GTPBP10: variants seen among roughly 807,000 people sequenced by gnomAD.
GTPBP10 encodes GTP-binding protein 10.
Under a neutral mutation model 44.8 loss-of-function variants are expected in GTPBP10, and 38 were observed. The ratio of observed to expected loss-of-function variants is 0.85; its 90% CI spans 0.65 to 1.11. GTPBP10 has a LOEUF of 1.11. GTPBP10 is among the 50% of genes most tolerant of loss of function. The pLI is 0.00. For missense variants in GTPBP10, 462 were observed against 453.7 expected, an observed-to-expected ratio of 1.02 and a Z score of -0.17; for synonymous variants, 152 against 150.6, an observed-to-expected ratio of 1.01 and a Z score of -0.07.
At position 90,354,446 on chromosome 7, in the gene GTPBP10, T is replaced by G. The variant is rs1795854151; in HGVS notation, c.228-12T>G. 42 of 1,446,814 alleles carry G rather than the reference T, an allele frequency of 2.9e-5. No individual in the cohort carries two copies. Among genetic ancestry groups the G allele is most frequent in the Non-Finnish European group, 3.6e-5 (38 of 1,051,550 alleles). 89.6% of individuals were successfully genotyped at this position (1,446,814 alleles called of 1,614,324 possible). On this transcript the variant is annotated splice_polypyrimidine_tract_variant and intron_variant, in intron 2 of 9. Transcript: ENST00000222511. Reference sequence around the variant, plus strand: ...CACACATACATACATATATATACTTTTTTTTTGGTAGAATTAGTGCACTGA... The same window carrying G: ...CACACATACATACATATATATACTTGTTTTTTGGTAGAATTAGTGCACTGA...
chr7:90,353,228 A>G (rs17865362), intron 2 of GTPBP10: 25,359 of 387,550 alleles, frequency 0.065, 953 homozygotes, highest in South Asian at 0.15. Flanking sequence ...CCCAATGTCT[A>G]TCTGTATTCT....
chr7:90,379,592 C>A (rs1796400165), intron 8 of GTPBP10, among the ~76,000 whole-genome samples: 1 of 152,094 alleles, frequency 6.6e-6, no homozygotes, highest in Non-Finnish European at 1.5e-5. Context: ...TTTCATTTGC[C>A]ACTTTTTGTC....
chr7:90,382,903 G>C, intron 8 of GTPBP10, 53 bp from the exon 9 acceptor site: 1 of 1,305,030 alleles, frequency 7.7e-7, no homozygotes, highest in Non-Finnish European at 1.0e-6. Flanking sequence ...CAAATAAGTA[G>C]TTTATACAGA....
chr7:90,359,869 T>C (rs1795978987), intron 4 of GTPBP10, among the ~76,000 whole-genome samples: 1 of 152,258 alleles, frequency 6.6e-6, no homozygotes, highest in African/African-American at 2.4e-5. Context: ...CTTGTGGTTT[T>C]GATTTGCATT....
intron 3 of GTPBP10, 34 bp downstream of exon 3, chr7:90,354,583 T>C: frequency 9.1e-7 from 1 of 1,104,910 alleles, no homozygotes. Context: ...GTTGTAAAAA[T>C]GTGCACGTTT....
intron 1 of GTPBP10, among the ~76,000 whole-genome samples, chr7:90,351,696 A>G (rs1284932066): frequency 6.6e-6 from 1 of 151,946 alleles, no homozygotes; most frequent in Non-Finnish European, 1.5e-5. Context: ...ACTTTATTTC[A>G]TAAGCATTTT....
At chr7:90,381,507 G>GCACAATCCATAT (rs1400745653) in intron 8 of GTPBP10, among the ~76,000 whole-genome samples, 1 of 152,102 alleles carries the variant, frequency 6.6e-6, no homozygotes, top group Non-Finnish European at 1.5e-5. Context: ...TACGGATTCA[G>GCACAATCCATAT]CACAATCCAT....
chr7:90,351,211 T>A (rs974969759), intron 1 of GTPBP10, among the ~76,000 whole-genome samples: 4 of 152,212 alleles, frequency 2.6e-5, no homozygotes, highest in African/African-American at 9.6e-5. Flanking sequence ...TTTGCTTACA[T>A]TTCTCTTGAC....
At chr7:90,360,636 C>G (rs1270066828) in intron 4 of GTPBP10, among the ~76,000 whole-genome samples, 2 of 152,044 alleles carry the variant, frequency 1.3e-5, no homozygotes, top group African/African-American at 4.8e-5. Flanking sequence ...TTTTTTGTTT[C>G]CATACGAACT....
At chr7:90,360,114 C>G (rs988509510) in intron 4 of GTPBP10, among the ~76,000 whole-genome samples, 1 of 151,934 alleles carries the variant, frequency 6.6e-6, no homozygotes, top group East Asian at 1.9e-4. Flanking sequence ...ATGGTAGTTT[C>G]TTTTGCTGTG....
At chr7:90,365,331 A>G (rs1467584962) in intron 4 of GTPBP10, among the ~76,000 whole-genome samples, 1 of 147,276 alleles carries the variant, frequency 6.8e-6, no homozygotes, top group African/African-American at 2.5e-5. Flanking sequence ...GTTGCTTATC[A>G]GCTTAAGGAG....
intron 5 of GTPBP10, among the ~76,000 whole-genome samples, chr7:90,373,182 AAG>A (rs1353265085): frequency 6.6e-6 from 1 of 152,156 alleles, no homozygotes; most frequent in East Asian, 1.9e-4. Context: ...CTGGAGATGT[AAG>A]AGAGCATGTC....
intron 4 of GTPBP10, among the ~76,000 whole-genome samples, chr7:90,368,877 G>T (rs1796191746): frequency 6.6e-6 from 1 of 152,138 alleles, no homozygotes. Context: ...TAGGCACTCT[G>T]GTTTTTGGAA....
At chr7:90,362,938 A>C (rs1332970356) in intron 4 of GTPBP10, among the ~76,000 whole-genome samples, 2 of 152,228 alleles carry the variant, frequency 1.3e-5, no homozygotes, top group East Asian at 3.9e-4. Flanking sequence ...CTGTTTTATC[A>C]CAGACTAGGG....
chr7:90,347,551 G>A (rs1795702962), intron 1 of GTPBP10: 2 of 604,688 alleles, frequency 3.3e-6, no homozygotes, highest in Middle Eastern at 1.7e-3. Context: ...AATGACTAGA[G>A]ATGTGGATTA....
chr7:90,374,437 C>A, intron 6 of GTPBP10, 83 bp downstream of exon 6: 1 of 894,756 alleles, frequency 1.1e-6, no homozygotes, highest in Non-Finnish European at 1.8e-6. Context: ...TAGTTTTTGC[C>A]TGTTTCTGTG....
intron 1 of GTPBP10, among the ~76,000 whole-genome samples, chr7:90,351,702 A>ATTT (rs113531159): frequency 6.7e-6 from 1 of 148,170 alleles, no homozygotes; most frequent in Non-Finnish European, 1.5e-5. Flanking sequence ...TTTCATAAGC[A>ATTT]TTTTTTTTTT....
At chr7:90,359,730 A>G (rs1795975604) in intron 4 of GTPBP10, among the ~76,000 whole-genome samples, 1 of 152,216 alleles carries the variant, frequency 6.6e-6, no homozygotes, top group Middle Eastern at 3.2e-3. Flanking sequence ...GTCTTCCACA[A>G]TGGTTGAACT....
At chr7:90,352,162 C>T (rs1795802697) in intron 1 of GTPBP10, among the ~76,000 whole-genome samples, 1 of 152,094 alleles carries the variant, frequency 6.6e-6, no homozygotes, top group African/African-American at 2.4e-5. Context: ...GGCAGTGGTA[C>T]TGGAGAGAAG....
Sources: allele counts gnomAD v4.1 joint callset (sites outside exome capture counted in the v4.1 genomes callset), GRCh38; gene constraint gnomAD v4.1.1; transcripts MANE v1.5; gene names NCBI Gene and HGNC (gene_info 2026-07-23, HGNC 2026-07-21).